Variants in FAM98A observed in about 807,000 individuals in gnomAD.
The protein encoded by FAM98A is protein FAM98A.
In FAM98A, 25 loss-of-function variants were observed where a neutral mutation model predicts 62.9. The observed-to-expected ratio is 0.40, with a 90% CI of 0.29 to 0.56. FAM98A has a LOEUF of 0.56. FAM98A is among the 20% of genes least tolerant of loss of function. FAM98A has a pLI of 0.51. For synonymous variants in FAM98A, 252 were observed against 228.6 expected, an observed-to-expected ratio of 1.10 and a Z score of -0.92; for missense variants, 653 against 640.7, an observed-to-expected ratio of 1.02 and a Z score of -0.21.
In FAM98A at chr2:33,584,555, A is replaced by G; in HGVS notation, c.*221T>C. ...TTAACCACCTTTTAAAAAATTTTTCATAGAAAGGAGAGATGTTATGTGTTT... is the reference window on the plus strand; with the variant it reads ...TTAACCACCTTTTAAAAAATTTTTCGTAGAAAGGAGAGATGTTATGTGTTT... On this transcript the variant is annotated 3_prime_UTR_variant, in exon 8 of 8. Transcript: ENST00000238823. The G allele has an allele frequency of 4.3e-6, 2 of 462,946 alleles. No individual in the cohort carries two copies. Among genetic ancestry groups the G allele is most frequent in the Admixed American group, 3.7e-5 (1 of 26,742 alleles). The allele number at this position is 462,946 out of a possible 1,614,324, so 28.7% of individuals were successfully genotyped here.
rs188475926 is a variant in FAM98A at position 33,596,411 on chromosome 2, A to T, written c.54-774T>A. On this transcript the variant is annotated intron_variant, in intron 1 of 7. Coordinates refer to ENST00000238823, the MANE Select transcript of FAM98A (RefSeq NM_015475.5). ...AGTGATTCCAATATAATTTTAAAAA[A>T]TTTAAAAATGTTCAAACATTCATAA... is the stretch of plus-strand genomic sequence containing the variant. 2.0e-5 allele frequency among the ~76,000 whole-genome samples: 3 copies of T among 152,322 alleles called. No individual in the cohort carries two copies. In the South Asian group the frequency reaches 6.2e-4, roughly 32 times the overall value.
In FAM98A at chr2:33,599,222, G is replaced by T. The variant is rs755373098; in HGVS notation, c.-1C>A. The T allele has an allele frequency of 1.5e-5, 24 of 1,613,318 alleles. No individual in the cohort carries two copies. The highest frequency in any genetic ancestry group is 2.0e-5 in the Non-Finnish European group (23 of 1,179,316). On this transcript the variant is annotated 5_prime_UTR_variant, in exon 1 of 8. Transcript: ENST00000238823. The stretch of plus-strand genomic sequence containing the variant: ...CAGTCTCCATGAGGTCACACTCCAT[G>T]CTACTGTGGTATTCAAATTTCCGAG...
chr2:33,598,870 G>A (rs1439242103), intron 1 of FAM98A, among the ~76,000 whole-genome samples: 2 of 152,128 alleles, frequency 1.3e-5, no homozygotes, highest in Non-Finnish European at 2.9e-5. Flanking sequence ...AGAGAAGCTC[G>A]GGGAGTGGGG....
chr2:33,588,006 C>A, intron 4 of FAM98A: 1 of 284,984 alleles, frequency 3.5e-6, no homozygotes, highest in South Asian at 3.6e-5. Context: ...CTTAAATTGA[C>A]TGTATCAAAG....
At position 33,592,117 on chromosome 2, in the gene FAM98A, C is replaced by T. The variant is rs770616395; in HGVS notation, c.300G>A (p.Lys100=). Residue 100 remains lysine, a synonymous_variant, in exon 3 of 8, where the codon AAG becomes AAA. Coordinates refer to ENST00000238823, the MANE Select transcript of FAM98A (RefSeq NM_015475.5). ...GGCAGTTCTTCTGAATGAGAAGGCG[C>T]TTGGTCACATCCCCAGATGTCAGTG... The part of the protein sequence containing the change: ...YLSLTSGDVT[K]RLLIQKNCLL... 4 of 1,613,596 alleles carry T rather than the reference C, an allele frequency of 2.5e-6. No individual in the cohort carries two copies. The highest frequency in any genetic ancestry group is 3.3e-5 in the Admixed American group (2 of 60,006).
At position 33,586,581 on chromosome 2, in the gene FAM98A, C is replaced by A; in HGVS notation, c.701G>T (p.Gly234Val). 6.2e-7 allele frequency: 1 copy of A among 1,608,816 alleles called. No individual in the cohort carries two copies. Among genetic ancestry groups the A allele is most frequent in the Non-Finnish European group, 8.5e-7 (1 of 1,175,278 alleles). ...GTGTACCTTAGCTCTGTCAGACCAG[C>A]CAAAGGATTGTACAGTGACATCCAA... Reference protein sequence around the residue: ...KRLDVTVQSFGWSDRAKSQTE... With the variant: ...KRLDVTVQSFVWSDRAKSQTE... Residue 234 changes from glycine to valine, a missense_variant, in exon 6 of 8, where the codon GGC (glycine) becomes GTC (valine). Transcript: ENST00000238823.
At chr2:33,595,772 G>A in intron 1 of FAM98A, 135 bp from the exon 2 acceptor site, 4 of 574,922 alleles carry the variant, frequency 7.0e-6, no homozygotes, top group South Asian at 3.6e-5. Flanking sequence ...TATTTTAAAT[G>A]GACAAATATA....
intron 1 of FAM98A, 80 bp downstream of exon 1, chr2:33,599,089 G>T: frequency 8.4e-7 from 1 of 1,189,332 alleles, no homozygotes; most frequent in Non-Finnish European, 1.3e-6. Context: ...AGAGGCAGGT[G>T]TCTCAGACTG....
rs933470105 is a variant in FAM98A at position 33,586,479 on chromosome 2, T to A, written c.720+83A>T. On this transcript the variant is annotated intron_variant, in intron 6 of 7. Coordinates refer to ENST00000238823, the MANE Select transcript of FAM98A (RefSeq NM_015475.5). ...GTGTGTCTTCTATGTACTTCTCCCA[T>A]AGTTGCCAAGTAGCTAAATTGTTTA... is the stretch of plus-strand genomic sequence containing the variant. 4 of 881,548 alleles carry A rather than the reference T, an allele frequency of 4.5e-6. No homozygotes were observed. The African/African-American group carries it at 6.6e-5, about 15-fold the overall frequency. 54.6% of individuals were successfully genotyped at this position (881,548 alleles called of 1,614,324 possible).
intron 2 of FAM98A, 61 bp downstream of exon 2, chr2:33,595,428 C>T: frequency 7.3e-7 from 1 of 1,375,962 alleles, no homozygotes; most frequent in Non-Finnish European, 9.9e-7. Context: ...TGATAATGTT[C>T]AGTTGACAAT....
chr2:33,598,021 G>A (rs951838789), intron 1 of FAM98A, among the ~76,000 whole-genome samples: 2 of 152,148 alleles, frequency 1.3e-5, no homozygotes, highest in Non-Finnish European at 2.9e-5. Flanking sequence ...GCCCCCTAAA[G>A]TCTGGAATAT....
intron 5 of FAM98A, 78 bp from the exon 6 acceptor site, chr2:33,586,756 G>A (rs1677567406): frequency 2.3e-6 from 2 of 857,632 alleles, no homozygotes; most frequent in South Asian, 2.7e-5. Flanking sequence ...AACTACGTCT[G>A]TGTCATTCAT....
chr2:33,589,754 G>A (rs1226750558), intron 3 of FAM98A: 1 of 152,102 alleles, frequency 6.6e-6, no homozygotes, highest in East Asian at 1.9e-4. Context: ...CACTGTTTTT[G>A]TACATAAGGT....
intron 1 of FAM98A, among the ~76,000 whole-genome samples, chr2:33,595,844 A>G (rs541825623): frequency 3.3e-5 from 5 of 152,332 alleles, no homozygotes; most frequent in African/African-American, 1.2e-4. Context: ...CTGCATTTCA[A>G]CCTTTCAAAA....
At chr2:33,593,193 CAGG>C (rs1677714239) in intron 2 of FAM98A, among the ~76,000 whole-genome samples, 1 of 152,154 alleles carries the variant, frequency 6.6e-6, no homozygotes, top group African/African-American at 2.4e-5. Context: ...GGTTTGAGTT[CAGG>C]AGTTCGAGAC....
intron 1 of FAM98A, 121 bp from the exon 2 acceptor site, chr2:33,595,758 T>G: frequency 1.6e-6 from 1 of 642,578 alleles, no homozygotes; most frequent in Non-Finnish European, 2.4e-6. Context: ...TTAGTACTTA[T>G]CTTTATTTTA....
At position 33,592,094 on chromosome 2, in the gene FAM98A, C is replaced by T. The variant is rs766713089; in HGVS notation, c.323G>A (p.Cys108Tyr). The T allele has an allele frequency of 6.2e-7, 1 of 1,613,066 alleles. No homozygotes were observed. Among genetic ancestry groups the T allele is most frequent in the Non-Finnish European group, 8.5e-7 (1 of 1,179,384 alleles). The change falls in exon 3 of 8, where the codon TGC (cysteine) becomes TAC (tyrosine). Residue 108 changes from cysteine to tyrosine, a missense_variant. Transcript: ENST00000238823. ...VTKRLLIQKN[C>Y]LLLLTYLISE... is the part of the protein sequence containing the mutation. The stretch of plus-strand genomic sequence containing the variant: ...CATGAACTTACTGAGCAAGAGGAGG[C>T]AGTTCTTCTGAATGAGAAGGCGCTT...
intron 1 of FAM98A, among the ~76,000 whole-genome samples, chr2:33,597,600 A>G (rs1275338874): frequency 6.6e-6 from 1 of 152,204 alleles, no homozygotes; most frequent in African/African-American, 2.4e-5. Flanking sequence ...GGGGGAAAAA[A>G]AAAGACAATA....
At chr2:33,594,664 TAC>T (rs1677759377) in intron 2 of FAM98A, among the ~76,000 whole-genome samples, 1 of 106,864 alleles carries the variant, frequency 9.4e-6, no homozygotes. Flanking sequence ...CACATATATA[TAC>T]ACATATATAT....
Sources: allele counts gnomAD v4.1 joint callset (sites outside exome capture counted in the v4.1 genomes callset), GRCh38; gene constraint gnomAD v4.1.1; transcripts MANE v1.5; gene names NCBI Gene and HGNC (gene_info 2026-07-23, HGNC 2026-07-21).